Variants in MARCHF8 observed in about 807,000 individuals in gnomAD.
MARCHF8 encodes E3 ubiquitin-protein ligase MARCHF8.
MARCHF8 carries 40 observed loss-of-function variants against 51.6 expected under a neutral mutation model. The ratio of observed to expected loss-of-function variants is 0.77; its 90% CI spans 0.60 to 1.01. The LOEUF is 1.01. Ranked by LOEUF, MARCHF8 falls within the 50% of genes least tolerant of loss-of-function variation. The probability of loss-of-function intolerance (pLI) is 0.00; values close to 1 mark genes in which losing one functional copy is unlikely to be tolerated. For missense variants in MARCHF8, 685 were observed against 708.6 expected (o/e 0.97, Z 0.38); for synonymous variants, 263 against 280.3 (o/e 0.94, Z 0.62).
At chr10:45,533,358 A>C in intron 1 of MARCHF8, 69 bp from the exon 2 acceptor site, 1 of 973,088 alleles carries the variant, frequency 1.0e-6, no homozygotes, top group Non-Finnish European at 1.4e-6. Flanking sequence ...GAGTGAGCTT[A>C]ACATTTTATA....
chr10:45,502,704 T>C (rs886702505), intron 2 of MARCHF8, among the ~76,000 whole-genome samples: 1 of 152,310 alleles, frequency 6.6e-6, no homozygotes, highest in African/African-American at 2.4e-5. Flanking sequence ...GGTGAAAATA[T>C]ATTTCAGGAA....
chr10:45,475,548 G>A (rs1285572710), intron 3 of MARCHF8, among the ~76,000 whole-genome samples: 4 of 152,052 alleles, frequency 2.6e-5, no homozygotes, highest in Non-Finnish European at 5.9e-5. Flanking sequence ...TGCCATTACC[G>A]CCACATCTAG....
rs755628332 is a variant in MARCHF8 at position 45,463,479 on chromosome 10, G to C, written c.760C>G (p.Arg254Gly). Residue 254 changes from arginine to glycine, a missense_variant, in exon 5 of 8, where the codon CGA becomes GGA. Arg to Gly is a moderately radical substitution (Grantham distance 125). Coordinates refer to ENST00000453424, the MANE Select transcript of MARCHF8 (RefSeq NM_001282866.2). The part of the protein sequence containing the change: ...EEKADGEATS[R>G]SRQLLQYLFS... The stretch of plus-strand genomic sequence containing the variant: ...AGGTACTGGAGCAGTTGCCGGCTTC[G>C]GGACGTGGCCTCACCATCCGCCTTC... The C allele has an allele frequency of 3.2e-6, 5 of 1,550,504 alleles. No individual in the cohort carries two copies. The African/African-American group carries it at 5.5e-5, about 17-fold the overall frequency.
At chr10:45,573,557 T>A (rs2044455509) in intron 1 of MARCHF8, among the ~76,000 whole-genome samples, 1 of 152,128 alleles carries the variant, frequency 6.6e-6, no homozygotes, top group Non-Finnish European at 1.5e-5. Context: ...CCTTGTCCCA[T>A]CTGTGCGGGA....
rs1196424830 is a variant in MARCHF8 at position 45,459,163 on chromosome 10, G to A, written c.1374C>T (p.Leu458=). 1.2e-6 allele frequency: 2 copies of A among 1,614,042 alleles called. No homozygotes were observed. Among genetic ancestry groups the A allele is most frequent in the East Asian group, 2.2e-5 (1 of 44,864 alleles). ...ITCVVWSLYV[L]IDRTAEEIKQ... ...TGATCTCCTCAGCAGTACGGTCAAT[G>A]AGCACATACAAGGACCAGACCACAC... The change falls in exon 7 of 8, where the codon CTC becomes CTT. Residue 458 remains leucine, a synonymous_variant. Coordinates refer to ENST00000453424, the MANE Select transcript of MARCHF8 (RefSeq NM_001282866.2).
chr10:45,545,946 A>G (rs537624872), intron 1 of MARCHF8, among the ~76,000 whole-genome samples: 159 of 152,250 alleles, frequency 1.0e-3, no homozygotes, highest in African/African-American at 3.0e-3. Flanking sequence ...CCTTTTACTG[A>G]AACGAAGACC....
chr10:45,490,790 T>C (rs995596250), intron 2 of MARCHF8, among the ~76,000 whole-genome samples: 6 of 152,184 alleles, frequency 3.9e-5, no homozygotes, highest in African/African-American at 1.4e-4. Context: ...AGGCTGGGAG[T>C]GCAGTGGCAT....
chr10:45,568,504 A>T (rs1039276108), intron 1 of MARCHF8, among the ~76,000 whole-genome samples: 1 of 152,126 alleles, frequency 6.6e-6, no homozygotes. Context: ...GCAGATCACG[A>T]GGTCAAGAGA....
intron 2 of MARCHF8, among the ~76,000 whole-genome samples, chr10:45,525,467 TG>T (rs2043775727): frequency 6.6e-6 from 1 of 152,224 alleles, no homozygotes; most frequent in African/African-American, 2.4e-5. Context: ...ATGTATTTTT[TG>T]GACAATCTTG....
intron 1 of MARCHF8, among the ~76,000 whole-genome samples, chr10:45,562,850 G>A (rs1241836110): frequency 6.6e-6 from 1 of 151,896 alleles, no homozygotes; most frequent in African/African-American, 2.4e-5. Flanking sequence ...AAAAATCAGT[G>A]TTTAAGGTAA....
intron 2 of MARCHF8, among the ~76,000 whole-genome samples, chr10:45,496,381 A>G (rs879600656): frequency 5.3e-5 from 8 of 152,184 alleles, no homozygotes; most frequent in Admixed American, 2.6e-4. Flanking sequence ...GTAATACAAG[A>G]TAAGTGGGTA....
intron 3 of MARCHF8, among the ~76,000 whole-genome samples, chr10:45,473,463 A>T (rs2042731190): frequency 6.6e-6 from 1 of 152,198 alleles, no homozygotes; most frequent in Non-Finnish European, 1.5e-5. Context: ...AAGTGCTGCC[A>T]ATCATGAACT....
At chr10:45,554,290 T>G (rs1667704378) in intron 1 of MARCHF8, among the ~76,000 whole-genome samples, 1 of 152,120 alleles carries the variant, frequency 6.6e-6, no homozygotes, top group Non-Finnish European at 1.5e-5. Flanking sequence ...TTAAAGAAAT[T>G]CAACAAAATC....
upstream of MARCHF8, among the ~76,000 whole-genome samples, chr10:45,539,517 C>T (rs1016450238): frequency 1.3e-5 from 2 of 152,102 alleles, no homozygotes; most frequent in African/African-American, 4.8e-5. Flanking sequence ...TCAAAATAAT[C>T]AATGAACCCA....
At chr10:45,559,158 C>T (rs1243222651) in intron 1 of MARCHF8, among the ~76,000 whole-genome samples, 1 of 152,208 alleles carries the variant, frequency 6.6e-6, no homozygotes. Flanking sequence ...GTAAATCTAA[C>T]CTGCCTGTAT....
chr10:45,482,884 G>A (rs1254393790), intron 3 of MARCHF8, among the ~76,000 whole-genome samples: 6 of 152,138 alleles, frequency 3.9e-5, no homozygotes, highest in South Asian at 2.1e-4. Flanking sequence ...AAAAACATGC[G>A]TTAGGGAAAG....
chr10:45,533,731 G>T (rs2043928188), intron 1 of MARCHF8, among the ~76,000 whole-genome samples: 1 of 152,100 alleles, frequency 6.6e-6, no homozygotes, highest in Admixed American at 6.5e-5. Context: ...TAAACTCAAG[G>T]TATCTATGAT....
intron 2 of MARCHF8, among the ~76,000 whole-genome samples, chr10:45,490,533 A>C (rs946483178): frequency 1.3e-5 from 2 of 152,134 alleles, no homozygotes; most frequent in Admixed American, 6.5e-5. Flanking sequence ...TGAGAAAATA[A>C]ATTTCTGTTG....
chr10:45,477,476 C>A (rs766954951), intron 3 of MARCHF8, among the ~76,000 whole-genome samples: 3 of 152,078 alleles, frequency 2.0e-5, no homozygotes, highest in Non-Finnish European at 4.4e-5. Context: ...ACCCACCAAA[C>A]CACAATTATA....
Sources: gnomAD v4.1 joint callset for allele counts (sites outside exome capture counted in the v4.1 genomes callset) on GRCh38, gnomAD v4.1.1 for gene constraint, MANE v1.5 for transcripts, NCBI Gene and HGNC (gene_info 2026-07-23, HGNC 2026-07-21) for gene names.